Variants in CA10 observed in about 807,000 individuals in gnomAD.
The protein encoded by CA10 is carbonic anhydrase-related protein 10.
Under a neutral mutation model 44.2 loss-of-function variants are expected in CA10, and 14 were observed. The ratio of observed to expected loss-of-function variants is 0.32; its 90% confidence interval spans 0.21 to 0.50. The LOEUF (loss-of-function observed/expected upper bound fraction) is 0.50. Among genes scored for constraint, CA10 ranks in the 20% least tolerant of loss-of-function variants. CA10 has a pLI of 0.99. For missense variants in CA10, 350 were observed against 409.7 expected (o/e 0.85, Z 1.26); for synonymous variants, 159 against 141.6 (o/e 1.12, Z -0.87).
chr17:52,029,244 C>A (rs531691655), intron 2 of CA10, among the ~76,000 whole-genome samples: 13 of 152,226 alleles, frequency 8.5e-5, no homozygotes, highest in Admixed American at 3.3e-4. Flanking sequence ...CTCCTGGACC[C>A]CCTCTTGCCT....
intron 2 of CA10, among the ~76,000 whole-genome samples, chr17:52,069,919 A>G (rs1456640344): frequency 6.6e-6 from 1 of 152,082 alleles, no homozygotes; most frequent in Non-Finnish European, 1.5e-5. Context: ...CACATCCATA[A>G]CCTGAAAAAA....
chr17:51,692,512 T>C (rs958998888), intron 4 of CA10, among the ~76,000 whole-genome samples: 5 of 152,166 alleles, frequency 3.3e-5, no homozygotes, highest in Non-Finnish European at 4.4e-5. Flanking sequence ...TTTCTTCCTT[T>C]CCAACTTGGA....
intron 2 of CA10, among the ~76,000 whole-genome samples, chr17:52,041,871 T>A (rs1048924482): frequency 1.3e-5 from 2 of 152,106 alleles, no homozygotes; most frequent in African/African-American, 4.8e-5. Context: ...TGTTTCATCT[T>A]ATATAATGTC....
At chr17:52,105,298 A>G (rs1988635238) in intron 1 of CA10, among the ~76,000 whole-genome samples, 2 of 150,796 alleles carry the variant, frequency 1.3e-5, no homozygotes, top group African/African-American at 4.9e-5. Flanking sequence ...TCTGTCGCCC[A>G]GGCTGGAGTG....
At chr17:52,099,362 T>C (rs1487505850) in intron 1 of CA10, among the ~76,000 whole-genome samples, 2 of 152,222 alleles carry the variant, frequency 1.3e-5, no homozygotes, top group African/African-American at 4.8e-5. Flanking sequence ...GTATAGATTT[T>C]ATTCTAAGTG....
intron 2 of CA10, among the ~76,000 whole-genome samples, chr17:52,017,528 T>C (rs1320309944): frequency 1.3e-5 from 2 of 152,098 alleles, no homozygotes; most frequent in African/African-American, 4.8e-5. Flanking sequence ...ACTTAGGGTA[T>C]CTGGTAGAAG....
chr17:52,080,321 C>G lies in CA10; in HGVS notation c.62-7928G>C, dbSNP rs371308440. 2.3e-3 allele frequency among the ~76,000 whole-genome samples: 350 copies of G among 151,742 alleles called. 11 individuals carry two copies. In the East Asian group the frequency reaches 0.049, roughly 21 times the overall value. On this transcript the variant is annotated intron_variant, in intron 1 of 8. Coordinates refer to ENST00000451037, the MANE Select transcript of CA10 (RefSeq NM_020178.5). The stretch of plus-strand genomic sequence containing the variant: ...CAAAAAATTAGCTGGGCTTGGTGGC[C>G]GGCGCCTGTAGTCCCAGCTACTCGG...
intron 4 of CA10, among the ~76,000 whole-genome samples, chr17:51,741,188 GT>G (rs1465403651): frequency 1.3e-5 from 2 of 152,182 alleles, no homozygotes; most frequent in Admixed American, 1.3e-4. Context: ...GCATGACTGG[GT>G]GAGCTCTAGA....
intron 1 of CA10, among the ~76,000 whole-genome samples, chr17:52,095,986 T>C (rs1226548294): frequency 1.3e-5 from 2 of 152,196 alleles, no homozygotes; most frequent in African/African-American, 2.4e-5. Context: ...GTCCTTTTAT[T>C]ACCTGTGAAA....
At chr17:51,855,348 A>G (rs1287125499) in intron 3 of CA10, among the ~76,000 whole-genome samples, 1 of 152,200 alleles carries the variant, frequency 6.6e-6, no homozygotes, top group Non-Finnish European at 1.5e-5. Context: ...AAAACTCACA[A>G]TAGCAAGATT....
At chr17:51,898,358 G>C (rs1981163581) in intron 3 of CA10, among the ~76,000 whole-genome samples, 1 of 152,028 alleles carries the variant, frequency 6.6e-6, no homozygotes, top group African/African-American at 2.4e-5. Context: ...AACATTTATT[G>C]ATTTGCCTAT....
intron 3 of CA10, among the ~76,000 whole-genome samples, chr17:51,877,590 A>G (rs1016686008): frequency 6.6e-6 from 1 of 152,170 alleles, no homozygotes; most frequent in Non-Finnish European, 1.5e-5. Context: ...AATCAAATTC[A>G]AAGATATGAA....
intron 2 of CA10, among the ~76,000 whole-genome samples, chr17:52,027,983 T>G (rs1301016514): frequency 6.6e-6 from 1 of 152,146 alleles, no homozygotes; most frequent in Non-Finnish European, 1.5e-5. Flanking sequence ...TTGGCTGAGG[T>G]GAGTTCTCTC....
intron 4 of CA10, among the ~76,000 whole-genome samples, chr17:51,732,024 C>CATT (rs74268815): frequency 1.4e-3 from 219 of 152,120 alleles, no homozygotes; most frequent in African/African-American, 4.9e-3. Flanking sequence ...AGGTTGACAT[C>CATT]ATTATTATTA....
At chr17:51,884,813 G>T (rs1188505190) in intron 3 of CA10, among the ~76,000 whole-genome samples, 1 of 152,148 alleles carries the variant, frequency 6.6e-6, no homozygotes, top group African/African-American at 2.4e-5. Context: ...CTGTGCCTCT[G>T]TCCTAGCTTA....
intron 2 of CA10, among the ~76,000 whole-genome samples, chr17:51,986,367 A>G (rs972699067): frequency 6.6e-6 from 1 of 152,142 alleles, no homozygotes; most frequent in African/African-American, 2.4e-5. Context: ...AGATGGATTA[A>G]GGACTTAAAT....
intron 2 of CA10, among the ~76,000 whole-genome samples, chr17:51,970,048 G>A (rs929820315): frequency 3.3e-5 from 5 of 151,870 alleles, no homozygotes; most frequent in African/African-American, 1.2e-4. Context: ...AGTGGAAAGG[G>A]GAAAGATGGA....
intron 4 of CA10, among the ~76,000 whole-genome samples, chr17:51,663,203 T>A (rs998118781): frequency 0.19 from 5 of 26 alleles, no homozygotes; most frequent in African/African-American, 0.42. Context: ...GATGCTTTTT[T>A]TTTTTCCCGG....
At chr17:51,749,828 G>T (rs140277246) in intron 3 of CA10, among the ~76,000 whole-genome samples, 172 of 152,284 alleles carry the variant, frequency 1.1e-3, no homozygotes, top group African/African-American at 3.9e-3. Flanking sequence ...AACGGGGGAG[G>T]GAATGGGGAG....
Sources: allele counts gnomAD v4.1 joint callset (sites outside exome capture counted in the v4.1 genomes callset), GRCh38; gene constraint gnomAD v4.1.1; transcripts MANE v1.5; gene names NCBI Gene and HGNC (gene_info 2026-07-23, HGNC 2026-07-21).